Variants in SYNDIG1 observed in about 807,000 individuals in gnomAD.
The protein encoded by SYNDIG1 is synapse differentiation-inducing gene protein 1.
In SYNDIG1, 9 loss-of-function variants were observed where a neutral mutation model predicts 19.4. The ratio of observed to expected loss-of-function variants is 0.46; its 90% CI spans 0.28 to 0.81. The LOEUF (loss-of-function observed/expected upper bound fraction) is 0.81. Ranked by LOEUF, SYNDIG1 falls within the 30% of genes least tolerant of loss-of-function variation. The pLI, the probability that SYNDIG1 is intolerant of heterozygous loss-of-function variation, is 0.12. For synonymous variants in SYNDIG1, 141 were observed against 145.9 expected, an observed-to-expected ratio of 0.97 and a Z score of 0.24; for missense variants, 311 against 343.3, an observed-to-expected ratio of 0.91 and a Z score of 0.74.
chr20:24,542,533 A>C (rs2057488346), intron 1 of SYNDIG1, among the ~76,000 whole-genome samples: 1 of 152,214 alleles, frequency 6.6e-6, no homozygotes, highest in South Asian at 2.1e-4. Context: ...TCAGTAGCAG[A>C]TTCGTGTTTG....
At chr20:24,552,795 C>T (rs190806132) in intron 2 of SYNDIG1, among the ~76,000 whole-genome samples, 4 of 152,272 alleles carry the variant, frequency 2.6e-5, no homozygotes, top group East Asian at 1.9e-4. Context: ...TTTATAGCAG[C>T]ATGACTTATA....
At chr20:24,536,626 C>G (rs1264023385) in intron 1 of SYNDIG1, among the ~76,000 whole-genome samples, 2 of 152,250 alleles carry the variant, frequency 1.3e-5, no homozygotes, top group African/African-American at 2.4e-5. Context: ...GCTGAACAGC[C>G]TTCCACACAC....
At chr20:24,550,970 CTCT>C (rs1341467726) in intron 2 of SYNDIG1, among the ~76,000 whole-genome samples, 3 of 152,172 alleles carry the variant, frequency 2.0e-5, no homozygotes, top group Non-Finnish European at 4.4e-5. Flanking sequence ...CTGCAGTTTT[CTCT>C]TCTTGTGCCA....
chr20:24,503,772 C>T (rs1203801042), intron 1 of SYNDIG1, among the ~76,000 whole-genome samples: 1 of 152,098 alleles, frequency 6.6e-6, no homozygotes, highest in Non-Finnish European at 1.5e-5. Flanking sequence ...TCATGATCTG[C>T]CTCTCATCTT....
intron 2 of SYNDIG1, 55 bp downstream of exon 2, chr20:24,543,632 G>C: frequency 6.4e-7 from 1 of 1,558,986 alleles, no homozygotes; most frequent in South Asian, 1.2e-5. Context: ...GGGATTCTAG[G>C]GAGGGCAGGA....
intron 1 of SYNDIG1, among the ~76,000 whole-genome samples, chr20:24,475,910 G>C (rs1333707176): frequency 6.6e-6 from 1 of 151,086 alleles, no homozygotes; most frequent in Non-Finnish European, 1.5e-5. Context: ...ACCCAGGCTG[G>C]AGTGCAGTGG....
rs10658853 is a variant in SYNDIG1 at position 24,560,694 on chromosome 20, C to CTTTTTTTTTTT, written c.480+17128_480+17138dup. The stretch of plus-strand genomic sequence containing the variant: ...CCCCCGAGACAGTTTCTGTTGACTA[C>CTTTTTTTTTTT]TTTTTTTTTTTTTTTTTTTTTAAAC... On this transcript the variant is annotated intron_variant, in intron 2 of 3. Coordinates refer to ENST00000376862, the MANE Select transcript of SYNDIG1 (RefSeq NM_024893.3). 6.1e-5 allele frequency among the ~76,000 whole-genome samples: 7 copies of CTTTTTTTTTTT among 113,822 alleles called. 2 individuals are homozygous for CTTTTTTTTTTT. The highest frequency in any genetic ancestry group is 9.1e-5 in the Admixed American group (1 of 11,022). The allele number at this position is 113,822 out of a possible 152,430, so 74.7% of individuals were successfully genotyped here. A position where few individuals can be genotyped will look rare whatever the true frequency, so the allele number is the denominator to read the frequency against.
intron 3 of SYNDIG1, among the ~76,000 whole-genome samples, chr20:24,618,205 G>T (rs1190566248): frequency 7.0e-6 from 1 of 143,554 alleles, no homozygotes; most frequent in East Asian, 2.1e-4. Context: ...CTGGGGAGGG[G>T]TAAGAGCCCG....
At chr20:24,508,013 G>T (rs1418183750) in intron 1 of SYNDIG1, among the ~76,000 whole-genome samples, 5 of 152,098 alleles carry the variant, frequency 3.3e-5, no homozygotes, top group Non-Finnish European at 7.4e-5. Context: ...GAGGACCACT[G>T]CAGGCCAAAC....
At chr20:24,611,468 G>A (rs1242736233) in intron 3 of SYNDIG1, among the ~76,000 whole-genome samples, 1 of 152,142 alleles carries the variant, frequency 6.6e-6, no homozygotes, top group Non-Finnish European at 1.5e-5. Flanking sequence ...GGTGGCCCTT[G>A]CAACTCAGCT....
chr20:24,510,435 G>C (rs1382794489), intron 1 of SYNDIG1, among the ~76,000 whole-genome samples: 1 of 151,682 alleles, frequency 6.6e-6, no homozygotes, highest in Non-Finnish European at 1.5e-5. Flanking sequence ...TAGGCATGGT[G>C]GTGGGCGCCT....
intron 2 of SYNDIG1, among the ~76,000 whole-genome samples, chr20:24,584,213 A>G (rs1600684225): frequency 6.6e-6 from 1 of 152,220 alleles, no homozygotes; most frequent in East Asian, 1.9e-4. Context: ...GCTCCTCAGG[A>G]AGCCACCCTC....
At chr20:24,612,350 C>T (rs35952359) in intron 3 of SYNDIG1, among the ~76,000 whole-genome samples, 25,068 of 152,162 alleles carry the variant, frequency 0.16, 2,591 homozygotes, top group East Asian at 0.45. Context: ...ACATCAGGTG[C>T]CCCCGAGTCC....
At chr20:24,551,843 A>G (rs2057711618) in intron 2 of SYNDIG1, among the ~76,000 whole-genome samples, 1 of 152,168 alleles carries the variant, frequency 6.6e-6, no homozygotes, top group Non-Finnish European at 1.5e-5. Context: ...GTTGAAGGAC[A>G]TAGTTTGTAT....
intron 3 of SYNDIG1, among the ~76,000 whole-genome samples, chr20:24,604,257 T>C (rs2058721812): frequency 6.6e-6 from 1 of 152,142 alleles, no homozygotes; most frequent in Non-Finnish European, 1.5e-5. Context: ...CCAGAGTGAC[T>C]CCATCTTGAA....
chr20:24,643,019 G>C (rs1441596459), intron 3 of SYNDIG1, among the ~76,000 whole-genome samples: 1 of 152,088 alleles, frequency 6.6e-6, no homozygotes, highest in African/African-American at 2.4e-5. Context: ...GTTCTATATA[G>C]AGAGTATTTC....
In SYNDIG1 at chr20:24,665,395, C is replaced by T. The variant is rs1448828876; in HGVS notation, c.668C>T (p.Ser223Phe). ...KGDLHQASTS[S>F]RRALFLAVLS... Reference sequence around the variant, plus strand: ...GACTTGCACCAGGCCAGCACCAGCTCCCGGCGGGCCCTATTCCTGGCAGTG... The same window carrying T: ...GACTTGCACCAGGCCAGCACCAGCTTCCGGCGGGCCCTATTCCTGGCAGTG... Residue 223 changes from serine to phenylalanine, a missense_variant, in exon 4 of 4, where the codon TCC (serine) becomes TTC (phenylalanine). By Grantham distance (155) the Ser-to-Phe change is radical. Transcript: ENST00000376862. 6.2e-7 allele frequency: 1 copy of T among 1,611,786 alleles called. No individual in the cohort carries two copies. The highest frequency in any genetic ancestry group is 1.3e-5 in the African/African-American group (1 of 74,888).
At chr20:24,620,699 G>A (rs745530163) in intron 3 of SYNDIG1, among the ~76,000 whole-genome samples, 1 of 152,212 alleles carries the variant, frequency 6.6e-6, no homozygotes, top group Non-Finnish European at 1.5e-5. Context: ...AATTGCAGCT[G>A]CTATTTTGGG....
intron 1 of SYNDIG1, among the ~76,000 whole-genome samples, chr20:24,537,175 C>G (rs2057378717): frequency 6.6e-6 from 1 of 152,176 alleles, no homozygotes; most frequent in Non-Finnish European, 1.5e-5. Flanking sequence ...CTAAACACTA[C>G]CTATGCTGTT....
Sources: gnomAD v4.1 joint callset for allele counts (sites outside exome capture counted in the v4.1 genomes callset) on GRCh38, gnomAD v4.1.1 for gene constraint, MANE v1.5 for transcripts, NCBI Gene and HGNC (gene_info 2026-07-23, HGNC 2026-07-21) for gene names.